The following TAF8 variants were observed in gnomAD, a reference collection of about 807,000 sequenced individuals.
TAF8 encodes the protein TATA-box binding protein associated factor 8.
Under a neutral mutation model 36.5 loss-of-function variants are expected in TAF8, and 47 were observed. The ratio of observed to expected loss-of-function variants is 1.29; its 90% CI spans 1.02 to 1.64. TAF8 has a LOEUF of 1.64. Among genes scored for constraint, TAF8 ranks in the 40% most tolerant of loss-of-function variants. The pLI is 0.00. For missense variants in TAF8, 420 were observed against 407.6 expected (o/e 1.03, Z -0.26); for synonymous variants, 175 against 159.5 (o/e 1.10, Z -0.73).
At chr6:42,051,944 A>G (rs970048570) in intron 2 of TAF8, among the ~76,000 whole-genome samples, 1 of 152,164 alleles carries the variant, frequency 6.6e-6, no homozygotes, top group Non-Finnish European at 1.5e-5. Flanking sequence ...CCAGCCTGTG[A>G]GGCTCCATCT....
chr6:42,076,682 C>T (rs1013688217), intron 7 of TAF8, among the ~76,000 whole-genome samples: 3 of 152,140 alleles, frequency 2.0e-5, no homozygotes, highest in African/African-American at 7.2e-5. Context: ...CCAGGAGATG[C>T]GCTATGCAGA....
chr6:42,071,364 C>A (rs1259455436), intron 7 of TAF8: 1 of 186,432 alleles, frequency 5.4e-6, no homozygotes, highest in Admixed American at 6.6e-5. Flanking sequence ...CTCGCTCCGT[C>A]ACCCAGGCTG....
chr6:42,079,873 C>T lies in TAF8; in HGVS notation c.*2328C>T, dbSNP rs968653888. The T allele has an allele frequency of 3.0e-6, 3 of 985,296 alleles. No homozygotes were observed. Among genetic ancestry groups the T allele is most frequent in the Non-Finnish European group, 2.4e-6 (2 of 829,942 alleles). 61.0% of individuals were successfully genotyped at this position (985,296 alleles called of 1,614,324 possible). On this transcript the variant is annotated 3_prime_UTR_variant, in exon 9 of 9. Transcript: ENST00000372977. ...CCAGCCCATCTCTTAGTCTTCCATTCCCTTGGTGAATTTGGAAACTTGAAA... is the reference window on the plus strand; with the variant it reads ...CCAGCCCATCTCTTAGTCTTCCATTTCCTTGGTGAATTTGGAAACTTGAAA...
downstream of TAF8, among the ~76,000 whole-genome samples, chr6:42,084,587 C>T (rs951742626): frequency 4.0e-5 from 6 of 150,980 alleles, no homozygotes; most frequent in Admixed American, 1.3e-4. Flanking sequence ...CTCAGCCTCC[C>T]GAGTAGCTGG....
chr6:42,055,823 A>G, intron 3 of TAF8, 129 bp from the exon 4 acceptor site: 1 of 774,712 alleles, frequency 1.3e-6, no homozygotes, highest in Non-Finnish European at 2.2e-6. Context: ...GAATTCTGCC[A>G]GAGCTTCTTT....
intron 2 of TAF8, among the ~76,000 whole-genome samples, chr6:42,054,894 C>T (rs1002876654): frequency 2.6e-5 from 4 of 151,664 alleles, no homozygotes; most frequent in Non-Finnish European, 4.4e-5. Flanking sequence ...CGTGAGCCAC[C>T]ACACCTGGCC....
At chr6:42,072,646 C>A (rs1765617772) in intron 7 of TAF8, among the ~76,000 whole-genome samples, 1 of 152,104 alleles carries the variant, frequency 6.6e-6, no homozygotes, top group Non-Finnish European at 1.5e-5. Context: ...TTTATCTAGT[C>A]CCCCATGAAC....
At position 42,066,304 on chromosome 6, in the gene TAF8, C is replaced by T. The variant is rs773778848; in HGVS notation, c.490-8C>T. ...ATCACCCCAGTGTCTTTGCTGCTCTCTTCGTAGACGTACCGTGAGCCCGTG... is the reference window on the plus strand; with the variant it reads ...ATCACCCCAGTGTCTTTGCTGCTCTTTTCGTAGACGTACCGTGAGCCCGTG... On this transcript the variant is annotated splice_polypyrimidine_tract_variant and splice_region_variant and intron_variant, in intron 5 of 8. Coordinates refer to ENST00000372977, the MANE Select transcript of TAF8 (RefSeq NM_138572.3). 4 of 1,613,520 alleles carry T rather than the reference C, an allele frequency of 2.5e-6. No homozygotes were observed. In the South Asian group the frequency reaches 3.3e-5, roughly 13 times the overall value.
intron 7 of TAF8, among the ~76,000 whole-genome samples, chr6:42,075,714 G>A (rs565777408): frequency 2.5e-4 from 38 of 152,274 alleles, no homozygotes; most frequent in African/African-American, 8.4e-4. Flanking sequence ...GGCGCAGCCC[G>A]ACCAAACGTG....
chr6:42,086,157 G>C (rs12206676), downstream of TAF8, among the ~76,000 whole-genome samples: 1,684 of 152,238 alleles, frequency 0.011, 21 homozygotes, highest in Non-Finnish European at 0.019. Context: ...TACTTTGTTG[G>C]AGCAGCCTGA....
chr6:42,077,589 C>G lies in TAF8; in HGVS notation c.*44C>G, dbSNP rs983587192. 6.2e-7 allele frequency: 1 copy of G among 1,608,670 alleles called. No individual in the cohort carries two copies. On this transcript the variant is annotated 3_prime_UTR_variant, in exon 9 of 9. Coordinates refer to ENST00000372977, the MANE Select transcript of TAF8 (RefSeq NM_138572.3). ...CTTGTACAGGGGCGCAGATTCCACC[C>G]TCCCGGGGAGTTAAAGCCACTCAAG...
At chr6:42,056,938 T>C in intron 4 of TAF8, among the ~76,000 whole-genome samples, 1 of 152,164 alleles carries the variant, frequency 6.6e-6, no homozygotes, top group Admixed American at 6.5e-5. Flanking sequence ...TTTTTTCTTG[T>C]TGGCATTTTT....
intron 5 of TAF8, among the ~76,000 whole-genome samples, chr6:42,061,252 A>T (rs1765181203): frequency 6.6e-6 from 1 of 152,238 alleles, no homozygotes; most frequent in Non-Finnish European, 1.5e-5. Flanking sequence ...AGCAATTATA[A>T]TTATTAATGT....
In TAF8 at chr6:42,078,170, G is replaced by A. The variant is rs866276748; in HGVS notation, c.*625G>A. The A allele has an allele frequency of 1.4e-5, 14 of 985,402 alleles. No individual in the cohort carries two copies. In the African/African-American group the frequency reaches 2.3e-4, roughly 16 times the overall value. The allele number at this position is 985,402 out of a possible 1,614,324, so 61.0% of individuals were successfully genotyped here. On this transcript the variant is annotated 3_prime_UTR_variant, in exon 9 of 9. Coordinates refer to ENST00000372977, the MANE Select transcript of TAF8 (RefSeq NM_138572.3). Reference sequence around the variant, plus strand: ...CTCCCAAAGTGCTGAGATTACAGGCGTGAGCCACCGCACCCCACCAGAGAC... The same window carrying A: ...CTCCCAAAGTGCTGAGATTACAGGCATGAGCCACCGCACCCCACCAGAGAC...
At chr6:42,060,097 C>T (rs1265220135) in intron 5 of TAF8, among the ~76,000 whole-genome samples, 1 of 152,144 alleles carries the variant, frequency 6.6e-6, no homozygotes, top group Non-Finnish European at 1.5e-5. Flanking sequence ...TTAAGTGAAA[C>T]AGCCCACTAT....
rs769313819 is a variant in TAF8 at position 42,068,513 on chromosome 6, C to T, written c.686C>T (p.Pro229Leu). 21 of 1,613,972 alleles carry T rather than the reference C, an allele frequency of 1.3e-5. No homozygotes were observed. The highest frequency in any genetic ancestry group is 1.6e-4 in the Middle Eastern group (1 of 6,084). The change falls in exon 7 of 9, where the codon CCG becomes CTG. Residue 229 changes from proline to leucine, a missense_variant. Transcript: ENST00000372977. ...FTIPYLTALL[P>L]SELEMQQMEE... The stretch of plus-strand genomic sequence containing the variant: ...ATCCCCTACCTGACAGCTCTTCTTC[C>T]GTCTGAACTGGAGATGCAACAAATG...
chr6:42,069,445 A>G (rs779209284), intron 7 of TAF8, among the ~76,000 whole-genome samples: 3 of 152,222 alleles, frequency 2.0e-5, no homozygotes, highest in Non-Finnish European at 4.4e-5. Context: ...GTCAGATTCT[A>G]GATCACTTTC....
Position 42,080,912 on chromosome 6 carries a change from G to A in TAF8, c.*3367G>A. On this transcript the variant is annotated 3_prime_UTR_variant, in exon 9 of 9. Coordinates refer to ENST00000372977, the MANE Select transcript of TAF8 (RefSeq NM_138572.3). Reference sequence around the variant, plus strand: ...AAAAACTTTGTAAATAAATAGAACTGTAAGCTTTGAACTTAATTTGTGTTC... The same window carrying A: ...AAAAACTTTGTAAATAAATAGAACTATAAGCTTTGAACTTAATTTGTGTTC... 1.0e-6 allele frequency: 1 copy of A among 984,256 alleles called. No homozygotes were observed. Among genetic ancestry groups the A allele is most frequent in the Non-Finnish European group, 1.2e-6 (1 of 828,906 alleles). 61.0% of individuals were successfully genotyped at this position (984,256 alleles called of 1,614,324 possible). A position where few individuals can be genotyped will look rare whatever the true frequency, so the allele number is the denominator to read the frequency against.
Position 42,079,332 on chromosome 6 carries a change from GAAC to G in TAF8, c.*1791_*1793del. 9 of 985,402 alleles carry G rather than the reference GAAC, an allele frequency of 9.1e-6. No individual in the cohort carries two copies. The highest frequency in any genetic ancestry group is 1.1e-5 in the Non-Finnish European group (9 of 829,902). The allele number at this position is 985,402 out of a possible 1,614,324, so 61.0% of individuals were successfully genotyped here. ...CCAACCAATTTGTATCCTGTGGGGAGAACAACTTCATTCTTAACATACCCTACA... is the reference window on the plus strand; with the variant it reads ...CCAACCAATTTGTATCCTGTGGGGAGAACTTCATTCTTAACATACCCTACA... On this transcript the variant is annotated 3_prime_UTR_variant, in exon 9 of 9. Transcript: ENST00000372977.
Sources: gnomAD v4.1 joint callset for allele counts (sites outside exome capture counted in the v4.1 genomes callset) on GRCh38, gnomAD v4.1.1 for gene constraint, MANE v1.5 for transcripts, NCBI Gene and HGNC (gene_info 2026-07-23, HGNC 2026-07-21) for gene names.